Variants in STEAP1B observed in about 807,000 individuals in gnomAD.
The protein encoded by STEAP1B is STEAP family protein MGC87042.
A neutral mutation model predicts 27.9 loss-of-function variants in STEAP1B; 13 were observed. That is an observed-to-expected ratio of 0.47 (90% CI 0.30 to 0.74). STEAP1B has a LOEUF of 0.74. STEAP1B is among the 30% of genes least tolerant of loss of function. STEAP1B has a pLI of 0.06. For missense variants in STEAP1B, 250 were observed against 298.7 expected, an observed-to-expected ratio of 0.84 and a Z score of 1.20; for synonymous variants, 86 against 107.1, an observed-to-expected ratio of 0.80 and a Z score of 1.22.
intron 4 of STEAP1B, among the ~76,000 whole-genome samples, chr7:22,423,583 T>C (rs1045759694): frequency 6.6e-6 from 1 of 152,214 alleles, no homozygotes. Context: ...AGACAGAAAG[T>C]TGACGTTTGC....
In STEAP1B at chr7:22,452,008, T is replaced by G. The variant is rs1482912906; in HGVS notation, c.763-32172A>C. On this transcript the variant is annotated intron_variant, in intron 4 of 4. Coordinates refer to ENST00000678116, the MANE Select transcript of STEAP1B (RefSeq NM_001382447.1). ...TTGGTAGAATTCAGCAGTGAAGCCA[T>G]TGGGTCCCAGGCTTTTCTTCACTGG... Among the ~76,000 whole-genome samples the G allele has an allele frequency of 2.0e-5, 3 of 152,334 alleles. No homozygotes were observed. In the East Asian group the frequency reaches 5.8e-4, roughly 29 times the overall value.
chr7:22,473,712 A>G (rs570201519), intron 4 of STEAP1B, among the ~76,000 whole-genome samples: 2 of 152,280 alleles, frequency 1.3e-5, no homozygotes, highest in East Asian at 3.9e-4. Flanking sequence ...TTTGCTCCAT[A>G]GATGATTGTG....
At position 22,492,695 on chromosome 7, in the gene STEAP1B, T is replaced by G; in HGVS notation, c.632A>C (p.His211Pro). The change falls in exon 4 of 5, where the codon CAT becomes CCT. Residue 211 changes from histidine (H) to proline (P), a missense_variant. Physicochemically the swap from His to Pro is moderately conservative, Grantham distance 77. Transcript: ENST00000678116. ...ATAAATCTCCATTCTCCAAACATCA[T>G]GCTCAATCCAGGCATCTTCTTTATT... ...QQNKEDAWIE[H>P]DVWRMEIYVS... is the part of the protein sequence containing the mutation. 1 of 1,611,472 alleles carries G rather than the reference T, an allele frequency of 6.2e-7. No individual in the cohort carries two copies. The highest frequency in any genetic ancestry group is 8.5e-7 in the Non-Finnish European group (1 of 1,179,204).
intron 4 of STEAP1B, among the ~76,000 whole-genome samples, chr7:22,471,206 C>T (rs1222038993): frequency 1.3e-5 from 2 of 152,128 alleles, no homozygotes; most frequent in African/African-American, 4.8e-5. Flanking sequence ...TAAGTGTGGT[C>T]AAGGGAAAAC....
At chr7:22,481,293 G>C (rs149853678) in intron 4 of STEAP1B, among the ~76,000 whole-genome samples, 149 of 152,288 alleles carry the variant, frequency 9.8e-4, no homozygotes, top group African/African-American at 3.3e-3. Flanking sequence ...CAGACCTCTG[G>C]AGCCAGACTA....
intron 4 of STEAP1B, among the ~76,000 whole-genome samples, chr7:22,457,298 T>C (rs1458387317): frequency 6.6e-6 from 1 of 151,984 alleles, no homozygotes; most frequent in African/African-American, 2.4e-5. Context: ...AATTAGGAAT[T>C]AGGAAGCAGA....
At chr7:22,495,224 A>T (rs1786418866) in intron 1 of STEAP1B, 1 of 162,922 alleles carries the variant, frequency 6.1e-6, no homozygotes, top group African/African-American at 2.4e-5. Flanking sequence ...ACTCCTTTCA[A>T]TGGCAAATAT....
chr7:22,490,865 G>A (rs901423853), intron 4 of STEAP1B, among the ~76,000 whole-genome samples: 1 of 152,164 alleles, frequency 6.6e-6, no homozygotes. Flanking sequence ...AGGAATTCTG[G>A]CCAAAGATGT....
At chr7:22,470,659 G>C (rs1036765371) in intron 4 of STEAP1B, among the ~76,000 whole-genome samples, 1 of 152,098 alleles carries the variant, frequency 6.6e-6, no homozygotes, top group African/African-American at 2.4e-5. Context: ...CCAGCTACTT[G>C]GGAGACTGAG....
At chr7:22,491,174 G>A (rs1348935512) in intron 4 of STEAP1B, among the ~76,000 whole-genome samples, 1 of 152,180 alleles carries the variant, frequency 6.6e-6, no homozygotes, top group African/African-American at 2.4e-5. Flanking sequence ...GTCTGGTGTG[G>A]ACTTTGGTTG....
intron 4 of STEAP1B, among the ~76,000 whole-genome samples, chr7:22,464,172 A>T (rs1785730216): frequency 6.6e-6 from 1 of 152,066 alleles, no homozygotes; most frequent in Admixed American, 6.5e-5. Context: ...AATTAATATT[A>T]AAATATTTAA....
intron 4 of STEAP1B, among the ~76,000 whole-genome samples, chr7:22,427,413 C>A (rs1309856221): frequency 6.6e-6 from 1 of 152,096 alleles, no homozygotes; most frequent in African/African-American, 2.4e-5. Context: ...AGGAGATGAT[C>A]AAAGGTGACT....
At chr7:22,456,972 A>ATATATATATATAAATTTTT in intron 4 of STEAP1B, among the ~76,000 whole-genome samples, 1 of 57,046 alleles carries the variant, frequency 1.8e-5, no homozygotes, top group African/African-American at 7.0e-5. Flanking sequence ...ATATATATAT[A>ATATATATATATAAATTTTT]TTTTTTTTTT....
intron 1 of STEAP1B, among the ~76,000 whole-genome samples, chr7:22,497,934 C>T (rs973053759): frequency 2.6e-5 from 4 of 152,108 alleles, no homozygotes; most frequent in African/African-American, 9.7e-5. Context: ...ACAATTTTTC[C>T]AAGTAGGGGA....
At chr7:22,425,408 C>T (rs1394349890) in intron 4 of STEAP1B, among the ~76,000 whole-genome samples, 1 of 152,142 alleles carries the variant, frequency 6.6e-6, no homozygotes, top group Non-Finnish European at 1.5e-5. Context: ...AGAGCAATTG[C>T]TACCATATAT....
intron 4 of STEAP1B, among the ~76,000 whole-genome samples, chr7:22,485,427 A>G (rs1041081943): frequency 3.3e-5 from 5 of 152,214 alleles, no homozygotes; most frequent in African/African-American, 1.2e-4. Flanking sequence ...TTAAATTAAG[A>G]TATGTACATT....
At position 22,493,338 on chromosome 7, in the gene STEAP1B, A is replaced by T. The variant is rs147204953; in HGVS notation, c.583T>A (p.Trp195Arg). The T allele has an allele frequency of 3.8e-5, 61 of 1,612,376 alleles. No individual in the cohort carries two copies. The African/African-American group carries it at 8.0e-4, about 21-fold the overall frequency. ...TGTCATCTCACCTGTTGATATGCCC[A>T]GTTTAGCAACTTGTATCTGTAGGAT... Reference protein sequence around the residue: ...RRSYRYKLLNWAYQQVQQNKE... With the variant: ...RRSYRYKLLNRAYQQVQQNKE... Residue 195 changes from tryptophan to arginine, a missense_variant, in exon 3 of 5, where the codon TGG becomes AGG. Trp to Arg is a moderately radical substitution (Grantham distance 101). Coordinates refer to ENST00000678116, the MANE Select transcript of STEAP1B (RefSeq NM_001382447.1).
At chr7:22,483,224 C>G (rs1334281646) in intron 4 of STEAP1B, among the ~76,000 whole-genome samples, 1 of 152,018 alleles carries the variant, frequency 6.6e-6, no homozygotes, top group Non-Finnish European at 1.5e-5. Flanking sequence ...AAAATTAACC[C>G]TACTCATTCT....
chr7:22,472,680 G>C (rs1204314106), intron 4 of STEAP1B, among the ~76,000 whole-genome samples: 1 of 152,172 alleles, frequency 6.6e-6, no homozygotes, highest in African/African-American at 2.4e-5. Context: ...GGTGAAAGGA[G>C]TCTCCTCTTT....
Sources: allele counts gnomAD v4.1 joint callset (sites outside exome capture counted in the v4.1 genomes callset), GRCh38; gene constraint gnomAD v4.1.1; transcripts MANE v1.5; gene names NCBI Gene and HGNC (gene_info 2026-07-23, HGNC 2026-07-21).